The following AKT2 variants were observed in gnomAD, a reference collection of about 807,000 sequenced individuals.
AKT2 encodes RAC-beta serine/threonine-protein kinase.
AKT2 carries 16 observed loss-of-function variants against 58.6 expected under a neutral mutation model. The ratio of observed to expected loss-of-function variants is 0.27; its 90% CI spans 0.18 to 0.41. The LOEUF is 0.41. Among genes scored for constraint, AKT2 ranks in the 10% least tolerant of loss-of-function variants. The pLI is 1.00. For missense variants in AKT2, 438 were observed against 661.0 expected, an observed-to-expected ratio of 0.66 and a Z score of 3.70; for synonymous variants, 253 against 254.0, an observed-to-expected ratio of 1.00 and a Z score of 0.04.
In AKT2 at chr19:40,242,275, G is replaced by C. The variant is rs1325750190; in HGVS notation, c.442-206C>G. 1 of 879,978 alleles carries C rather than the reference G, an allele frequency of 1.1e-6. No homozygotes were observed. The highest frequency in any genetic ancestry group is 2.6e-5 in the East Asian group (1 of 37,994). The allele number at this position is 879,978 out of a possible 1,614,324, so 54.5% of individuals were successfully genotyped here. ...CAGGCACAGGGCCTTGGGAGGGCTG[G>C]GCTCTGACGTGGGGGTAGCCAGGTC... On this transcript the variant is annotated intron_variant, in intron 5 of 13. Transcript: ENST00000392038. This position sits in a 1 kb window ranked among gnomAD's most constrained non-coding sequence, Gnocchi z 4.3.
intron 4 of AKT2, among the ~76,000 whole-genome samples, chr19:40,249,087 G>C (rs1361618640): frequency 2.0e-5 from 3 of 152,262 alleles, no homozygotes; most frequent in Non-Finnish European, 4.4e-5. Context: ...TGAGGACAGG[G>C]AGGAGAGCAT....
chr19:40,273,203 T>A (rs2077247376), intron 1 of AKT2, among the ~76,000 whole-genome samples: 1 of 152,078 alleles, frequency 6.6e-6, no homozygotes, highest in South Asian at 2.1e-4. Flanking sequence ...TTAGCCGGGC[T>A]GGTGGCAGGC....
At chr19:40,261,596 C>T (rs1308810301) in intron 2 of AKT2, among the ~76,000 whole-genome samples, 1 of 151,562 alleles carries the variant, frequency 6.6e-6, no homozygotes, top group Non-Finnish European at 1.5e-5. Flanking sequence ...TCCCCTTTCA[C>T]CATGGGACGT....
rs889470258 is a variant in AKT2 at position 40,281,911 on chromosome 19, C to A, written c.-85+3270G>T. ...TAATCCACTCAGCCTTCACAATAAT[C>A]CTATCAGGTGGGAATTATCATCATC... is the stretch of plus-strand genomic sequence containing the variant. On this transcript the variant is annotated intron_variant, in intron 1 of 13. Coordinates refer to ENST00000392038, the MANE Select transcript of AKT2 (RefSeq NM_001626.6). Among the ~76,000 whole-genome samples, 4 of 152,194 alleles carry A rather than the reference C, an allele frequency of 2.6e-5. No homozygotes were observed. In the East Asian group the frequency reaches 7.7e-4, roughly 29 times the overall value.
In AKT2 at chr19:40,230,553, GAA is replaced by G. The variant is rs1430069473; in HGVS notation, c.*3317_*3318del. ...GCCCCCAGAGGCTTCACATTAACTG[GAA>G]AAGATTACACAAAAAGAGCAGGAAA... On this transcript the variant is annotated 3_prime_UTR_variant, in exon 14 of 14. Coordinates refer to ENST00000392038, the MANE Select transcript of AKT2 (RefSeq NM_001626.6). 4.4e-6 allele frequency: 1 copy of G among 227,400 alleles called. No homozygotes were observed. The highest frequency in any genetic ancestry group is 8.7e-6 in the Non-Finnish European group (1 of 114,472). The allele number at this position is 227,400 out of a possible 1,614,324, so 14.1% of individuals were successfully genotyped here.
In AKT2 at chr19:40,235,347, A is replaced by G. The variant is rs773123523; in HGVS notation, c.1179T>C (p.Leu393=). The change falls in exon 12 of 14, where the codon CTT becomes CTC. Residue 393 remains leucine, a synonymous_variant. Coordinates refer to ENST00000392038, the MANE Select transcript of AKT2 (RefSeq NM_001626.6). This position sits in a 1 kb window ranked among gnomAD's most constrained non-coding sequence, Gnocchi z 6.3. ...CCTTGGCATCGCTGGGCCCCCCACC[A>G]AGCCTGTGCAGAGACGGCCGTCAGC... ...GLLKKDPKQR[L]GGGPSDAKEV... 2 of 1,613,602 alleles carry G rather than the reference A, an allele frequency of 1.2e-6. No homozygotes were observed. The highest frequency in any genetic ancestry group is 3.3e-5 in the Admixed American group (2 of 60,004).
At chr19:40,245,757 T>C (rs189064507) in intron 4 of AKT2, among the ~76,000 whole-genome samples, 8 of 152,294 alleles carry the variant, frequency 5.3e-5, no homozygotes, top group Non-Finnish European at 7.4e-5. Flanking sequence ...AACCCATCTA[T>C]GTCCACCCCA....
At chr19:40,270,567 G>T (rs946607183) in intron 1 of AKT2, 1 of 152,340 alleles carries the variant, frequency 6.6e-6, no homozygotes, top group African/African-American at 2.4e-5. Context: ...TGCGTCTCTT[G>T]GAGCTGGAGC....
At chr19:40,275,103 C>A (rs756946471) in intron 1 of AKT2, 1 of 456,814 alleles carries the variant, frequency 2.2e-6, no homozygotes, top group South Asian at 1.5e-5. Flanking sequence ...GGTGAATACC[C>A]ACAGCGAGAG....
intron 1 of AKT2, among the ~76,000 whole-genome samples, chr19:40,284,327 A>G (rs1457880443): frequency 1.3e-5 from 2 of 152,158 alleles, no homozygotes; most frequent in Non-Finnish European, 2.9e-5. Flanking sequence ...TAAGGCTCAG[A>G]CAACTTCAGT....
intron 3 of AKT2, among the ~76,000 whole-genome samples, chr19:40,256,273 G>A (rs1218976737): frequency 2.6e-5 from 4 of 152,184 alleles, no homozygotes; most frequent in Non-Finnish European, 5.9e-5. Flanking sequence ...CATGGCAGGA[G>A]AGGATAGTGG....
At chr19:40,239,771 G>A (rs1220742564) in intron 7 of AKT2, 1 of 652,798 alleles carries the variant, frequency 1.5e-6, no homozygotes, top group South Asian at 1.5e-5. Flanking sequence ...AACTCATAGA[G>A]ACAGCAGCCA....
Position 40,238,972 on chromosome 19 carries a change from G to A in AKT2, c.641C>T (p.Ala214Val), listed in dbSNP as rs758767505. The A allele has an allele frequency of 5.2e-5, 84 of 1,613,760 alleles. No individual in the cohort carries two copies. The highest frequency in any genetic ancestry group is 1.6e-4 in the Middle Eastern group (1 of 6,084). The change falls in exon 8 of 14, where the codon GCG becomes GTG. Residue 214 changes from alanine (A) to valine (V), a missense_variant and splice_region_variant. Ala to Val is a moderately conservative substitution (Grantham distance 64, BLOSUM62 0). Around this residue, in one of 3 missense-constraint regions of AKT2, gnomAD observed 244 missense variants for 347.1 expected, o/e 0.70. Transcript: ENST00000392038. The surrounding 1 kb of genome is among the most constrained non-coding windows in gnomAD (Gnocchi z 5.1). ...LQNTRHPFLT[A>V]LKYAFQTHDR... Reference sequence around the variant, plus strand: ...GTGGGTCTGGAAGGCATACTTCAGCGCCTGGGGGATGAAGGCAGCAGGGTG... The same window carrying A: ...GTGGGTCTGGAAGGCATACTTCAGCACCTGGGGGATGAAGGCAGCAGGGTG...
At chr19:40,246,887 C>A (rs1159802758) in intron 4 of AKT2, among the ~76,000 whole-genome samples, 1 of 152,212 alleles carries the variant, frequency 6.6e-6, no homozygotes, top group Non-Finnish European at 1.5e-5. Flanking sequence ...GGGCCTGGGC[C>A]TGGGGCTAAG....
intron 3 of AKT2, 64 bp downstream of exon 3, chr19:40,256,862 C>G: frequency 6.2e-7 from 1 of 1,610,398 alleles, no homozygotes; most frequent in South Asian, 1.1e-5. Flanking sequence ...GTCCCACAAG[C>G]CCCTAAGACG....
Position 40,255,298 on chromosome 19 carries a change from G to A in AKT2, c.176-29C>T, listed in dbSNP as rs1489192820. 3.2e-6 allele frequency: 5 copies of A among 1,579,836 alleles called. No individual in the cohort carries two copies. In the Admixed American group the frequency reaches 5.0e-5, roughly 16 times the overall value. On this transcript the variant is annotated intron_variant, in intron 3 of 13. Coordinates refer to ENST00000392038, the MANE Select transcript of AKT2 (RefSeq NM_001626.6). ...CAGGCAGAGGGAACAGACAGCAGGG[G>A]GCTGAGGGGATAGCCCTGCTAGCCT...
chr19:40,268,227 C>T (rs956975133), intron 1 of AKT2, among the ~76,000 whole-genome samples: 1 of 152,202 alleles, frequency 6.6e-6, no homozygotes, highest in African/African-American at 2.4e-5. Flanking sequence ...AACAGGGGCT[C>T]CATGTCTCAT....
At chr19:40,250,939 G>A (rs374101270) in intron 4 of AKT2, among the ~76,000 whole-genome samples, 1 of 152,148 alleles carries the variant, frequency 6.6e-6, no homozygotes, top group African/African-American at 2.4e-5. Flanking sequence ...GTGGTGGTTT[G>A]TGCCTATAAT....
rs1381436775 is a variant in AKT2 at position 40,233,841 on chromosome 19, C to T, written c.*31G>A. Reference sequence around the variant, plus strand: ...AAAAACCACCCAGCGGTGATGGCAGCGAGCGTGCGTCCTCTGCGTGGGCAG... The same window carrying T: ...AAAAACCACCCAGCGGTGATGGCAGTGAGCGTGCGTCCTCTGCGTGGGCAG... On this transcript the variant is annotated 3_prime_UTR_variant, in exon 14 of 14. Coordinates refer to ENST00000392038, the MANE Select transcript of AKT2 (RefSeq NM_001626.6). This position sits in a 1 kb window ranked among gnomAD's most constrained non-coding sequence, Gnocchi z 4.3. 1.2e-6 allele frequency: 2 copies of T among 1,604,140 alleles called. No homozygotes were observed. The highest frequency in any genetic ancestry group is 1.7e-6 in the Non-Finnish European group (2 of 1,177,408).
Sources: allele counts gnomAD v4.1 joint callset (sites outside exome capture counted in the v4.1 genomes callset), GRCh38; gene constraint gnomAD v4.1.1; regional missense constraint gnomAD v4.1.1; non-coding constraint Gnocchi (gnomAD v3.1); transcripts MANE v1.5; gene names NCBI Gene and HGNC (gene_info 2026-07-23, HGNC 2026-07-21).